ZMAT4: variants seen among roughly 807,000 people sequenced by gnomAD.
The protein encoded by ZMAT4 is zinc finger matrin-type protein 4.
Under a neutral mutation model 28.7 loss-of-function variants are expected in ZMAT4, and 17 were observed. That is an observed-to-expected ratio of 0.59 (90% CI 0.41 to 0.89). The LOEUF is 0.89. ZMAT4 is among the 40% of genes least tolerant of loss of function. ZMAT4 has a pLI of 0.00. For missense variants in ZMAT4, 240 were observed against 283.8 expected, an observed-to-expected ratio of 0.85 and a Z score of 1.11; for synonymous variants, 117 against 109.2, an observed-to-expected ratio of 1.07 and a Z score of -0.44.
chr8:40,833,849 C>A (rs1404334622), intron 1 of ZMAT4, among the ~76,000 whole-genome samples: 1 of 152,156 alleles, frequency 6.6e-6, no homozygotes, highest in East Asian at 1.9e-4. Flanking sequence ...CTTTCCCATT[C>A]CTGATGTTGC....
At chr8:40,799,174 G>A (rs1173026931) in intron 2 of ZMAT4, among the ~76,000 whole-genome samples, 1 of 148,852 alleles carries the variant, frequency 6.7e-6, no homozygotes, top group African/African-American at 2.5e-5. Context: ...TGGATGAATA[G>A]AGAGAGAGAG....
intron 1 of ZMAT4, among the ~76,000 whole-genome samples, chr8:40,885,728 T>C (rs1354950536): frequency 2.0e-5 from 3 of 152,198 alleles, no homozygotes; most frequent in Non-Finnish European, 4.4e-5. Context: ...CTGCTATTCC[T>C]GGCACCCCAA....
intron 5 of ZMAT4, among the ~76,000 whole-genome samples, chr8:40,592,920 G>GT (rs1469307963): frequency 5.9e-5 from 9 of 152,160 alleles, no homozygotes; most frequent in African/African-American, 1.7e-4. Flanking sequence ...TTTTTGTTTT[G>GT]TTTTTTGTGC....
At chr8:40,799,146 G>GCTGT (rs1332561106) in intron 2 of ZMAT4, among the ~76,000 whole-genome samples, 4 of 143,310 alleles carry the variant, frequency 2.8e-5, no homozygotes, top group African/African-American at 1.1e-4. Flanking sequence ...TAGATGGCTG[G>GCTGT]CTGGCTGGCT....
chr8:40,762,359 C>T (rs1170273577), intron 3 of ZMAT4, among the ~76,000 whole-genome samples: 2 of 152,128 alleles, frequency 1.3e-5, no homozygotes, highest in Admixed American at 6.6e-5. Context: ...CACAGAGATA[C>T]ACACAGAGAA....
intron 2 of ZMAT4, among the ~76,000 whole-genome samples, chr8:40,825,106 G>A (rs2150611821): frequency 6.6e-6 from 1 of 152,326 alleles, no homozygotes; most frequent in South Asian, 2.1e-4. Flanking sequence ...TGGCCATCAG[G>A]TGGAAGAAAT....
intron 5 of ZMAT4, 199 bp downstream of exon 5, chr8:40,674,505 A>C: frequency 1.8e-6 from 1 of 558,502 alleles, no homozygotes; most frequent in Non-Finnish European, 3.2e-6. Flanking sequence ...GAAAATAAAC[A>C]CTTTGAAACA....
intron 5 of ZMAT4, among the ~76,000 whole-genome samples, chr8:40,610,211 C>A (rs1454127218): frequency 1.3e-5 from 2 of 152,154 alleles, no homozygotes; most frequent in African/African-American, 4.8e-5. Context: ...TTATATAATA[C>A]ATCCAGGAAA....
intron 3 of ZMAT4, among the ~76,000 whole-genome samples, chr8:40,739,501 G>T (rs1416078589): frequency 6.6e-6 from 1 of 152,176 alleles, no homozygotes; most frequent in African/African-American, 2.4e-5. Flanking sequence ...TCTTTAATTT[G>T]GGATTGTAAA....
At chr8:40,765,887 A>G (rs1813138081) in intron 3 of ZMAT4, among the ~76,000 whole-genome samples, 1 of 152,204 alleles carries the variant, frequency 6.6e-6, no homozygotes. Context: ...TGATTGCTGG[A>G]TAATTTCAAG....
chr8:40,706,247 G>C (rs1810345259), intron 3 of ZMAT4, among the ~76,000 whole-genome samples: 1 of 152,002 alleles, frequency 6.6e-6, no homozygotes, highest in African/African-American at 2.4e-5. Context: ...GTAGAGACGG[G>C]GTTTCACCGT....
chr8:40,828,320 C>T (rs539021689), intron 1 of ZMAT4, among the ~76,000 whole-genome samples: 106 of 152,226 alleles, frequency 7.0e-4, no homozygotes, highest in African/African-American at 2.4e-3. Context: ...TATCATGTTC[C>T]CTGCTATTTC....
intron 1 of ZMAT4, among the ~76,000 whole-genome samples, chr8:40,841,298 C>T (rs1399199176): frequency 6.6e-6 from 1 of 152,186 alleles, no homozygotes; most frequent in Non-Finnish European, 1.5e-5. Flanking sequence ...TAACTGCTAA[C>T]TCCTACTGGA....
chr8:40,562,478 G>T (rs759050135), intron 6 of ZMAT4, among the ~76,000 whole-genome samples: 91 of 3,696 alleles, frequency 0.025, no homozygotes, highest in Admixed American at 0.016. Context: ...TTAAAAGAGG[G>T]TTCTGCTGTT....
At chr8:40,679,294 A>G (rs1354209468) in intron 4 of ZMAT4, among the ~76,000 whole-genome samples, 2 of 152,174 alleles carry the variant, frequency 1.3e-5, no homozygotes, top group Non-Finnish European at 2.9e-5. Flanking sequence ...TTCCATGCAT[A>G]ATAATCATAG....
intron 3 of ZMAT4, among the ~76,000 whole-genome samples, chr8:40,716,945 G>A (rs1810884769): frequency 6.6e-6 from 1 of 152,128 alleles, no homozygotes; most frequent in South Asian, 2.1e-4. Context: ...CTGTTCCCTG[G>A]ACGCTAGCAT....
intron 6 of ZMAT4, among the ~76,000 whole-genome samples, chr8:40,562,995 T>C (rs1168242145): frequency 6.6e-6 from 1 of 152,200 alleles, no homozygotes; most frequent in African/African-American, 2.4e-5. Context: ...CACACTCACC[T>C]TGAGTGAACT....
intron 2 of ZMAT4, among the ~76,000 whole-genome samples, chr8:40,806,830 C>G (rs1246554947): frequency 6.6e-6 from 1 of 151,894 alleles, no homozygotes; most frequent in African/African-American, 2.4e-5. Context: ...AAAATAGAAG[C>G]TATTATGGTA....
At chr8:40,753,439 C>A (rs376670529) in intron 3 of ZMAT4, among the ~76,000 whole-genome samples, 3 of 152,206 alleles carry the variant, frequency 2.0e-5, no homozygotes, top group African/African-American at 4.8e-5. Flanking sequence ...GAAAGCCCTT[C>A]TCTGATTCCA....
Sources: allele counts gnomAD v4.1 joint callset (sites outside exome capture counted in the v4.1 genomes callset), GRCh38; gene constraint gnomAD v4.1.1; transcripts MANE v1.5; gene names NCBI Gene and HGNC (gene_info 2026-07-23, HGNC 2026-07-21).